Variants in DNAH11 observed in about 807,000 individuals in gnomAD.
The protein encoded by DNAH11 is dynein axonemal heavy chain 11, also known as axonemal beta dynein heavy chain 11.
In DNAH11, 442 loss-of-function variants were observed where a neutral mutation model predicts 526.0. The ratio of observed to expected loss-of-function variants is 0.84; its 90% CI spans 0.78 to 0.91. The LOEUF (loss-of-function observed/expected upper bound fraction) is 0.91, where lower values mean the gene tolerates loss of function less well. DNAH11 is among the 40% of genes least tolerant of loss of function. The pLI, the probability that DNAH11 is intolerant of heterozygous loss-of-function variation, is 0.00. For synonymous variants in DNAH11, 2,461 were observed against 1,935.9 expected (o/e 1.27, Z -7.12); for missense variants, 6,989 against 5,448.7 (o/e 1.28, Z -8.90).
chr7:21,698,827 T>G (rs1783953550), intron 36 of DNAH11, among the ~76,000 whole-genome samples: 1 of 152,216 alleles, frequency 6.6e-6, no homozygotes, highest in Admixed American at 6.5e-5. Context: ...TCTGGGCAGA[T>G]ACCCAGTAGT....
chr7:21,855,932 T>C (rs1049922382), intron 68 of DNAH11, among the ~76,000 whole-genome samples: 6 of 152,148 alleles, frequency 3.9e-5, no homozygotes, highest in African/African-American at 1.4e-4. Flanking sequence ...GAGGCTGCTT[T>C]TACTGGGGGC....
intron 63 of DNAH11, 116 bp downstream of exon 63, chr7:21,808,165 A>G: frequency 1.3e-6 from 1 of 747,468 alleles, no homozygotes; most frequent in African/African-American, 1.8e-5. Context: ...CTGACCAGAA[A>G]TTCCATGGTG....
rs562744269 is a variant in DNAH11, at chr7:21,735,955, T to G, written c.7645+111T>G. 8.8e-6 allele frequency: 9 copies of G among 1,021,092 alleles called. No homozygotes were observed. The South Asian group carries it at 1.7e-4, about 19-fold the overall frequency. The allele number at this position is 1,021,092 out of a possible 1,614,324, so 63.3% of individuals were successfully genotyped here. ...TTCCCTAGAATTTAGAGTTGTTGCT[T>G]GGGCCTTAGATGAATTTGTACTTAT... On this transcript the variant is annotated intron_variant, in intron 46 of 81. Coordinates refer to ENST00000409508, the MANE Select transcript of DNAH11 (RefSeq NM_001277115.2).
intron 65 of DNAH11, among the ~76,000 whole-genome samples, chr7:21,820,202 C>T (rs778468227): frequency 5.9e-5 from 9 of 152,146 alleles, no homozygotes; most frequent in Non-Finnish European, 1.0e-4. Context: ...CTGAGCACTG[C>T]TATATGCCAG....
chr7:21,852,203 G>C (rs921032745), intron 66 of DNAH11, among the ~76,000 whole-genome samples: 2 of 151,978 alleles, frequency 1.3e-5, no homozygotes, highest in African/African-American at 4.8e-5. Flanking sequence ...TCAGGAGTTC[G>C]AGACCAGCTT....
intron 45 of DNAH11, among the ~76,000 whole-genome samples, chr7:21,734,408 A>G (rs1174941731): frequency 6.6e-6 from 1 of 152,254 alleles, no homozygotes; most frequent in East Asian, 1.9e-4. Context: ...GAAAGGGAAA[A>G]AATATGAGAT....
chr7:21,658,750 C>A lies in DNAH11; in HGVS notation c.5095-48C>A, dbSNP rs1192221439. 4.9e-6 allele frequency: 7 copies of A among 1,440,570 alleles called. No individual in the cohort carries two copies. The South Asian group carries it at 8.4e-5, about 17-fold the overall frequency. The allele number at this position is 1,440,570 out of a possible 1,614,324, so 89.2% of individuals were successfully genotyped here. ...AGAGCCAGTAGGAGGATGAAATTAT[C>A]CTTCCATAGTTAAGCCTGTGTTATA... On this transcript the variant is annotated intron_variant, in intron 29 of 81. Coordinates refer to ENST00000409508, the MANE Select transcript of DNAH11 (RefSeq NM_001277115.2).
In DNAH11 at chr7:21,892,554, G is replaced by A. The variant is rs1356916798; in HGVS notation, c.12637G>A (p.Ala4213Thr). Residue 4213 changes from alanine (A) to threonine (T), a missense_variant, in exon 77 of 82, where the codon GCT (alanine) becomes ACT (threonine). Coordinates refer to ENST00000409508, the MANE Select transcript of DNAH11 (RefSeq NM_001277115.2). ...GGCACTGTATGGCCTCCACCCAAATGCTGAAATAGAATTCCTGACAGTGAC... is the reference window on the plus strand; with the variant it reads ...GGCACTGTATGGCCTCCACCCAAATACTGAAATAGAATTCCTGACAGTGAC... ...SPALYGLHPN[A>T]EIEFLTVTSN... is the part of the protein sequence containing the mutation. 1.9e-6 allele frequency: 3 copies of A among 1,613,934 alleles called. No homozygotes were observed. The highest frequency in any genetic ancestry group is 2.5e-6 in the Non-Finnish European group (3 of 1,179,882).
At position 21,564,301 on chromosome 7, in the gene DNAH11, T is replaced by C. The variant is rs776911516; in HGVS notation, c.1098T>C (p.His366=). ...QTRILIAPLF[H]TICLIWSHSK... is the part of the protein sequence containing the mutation. ...GCATATTAATCGCTCCATTATTTCA[T>C]ACCATCTGTCTGATCTGGAGTCATT... The change falls in exon 6 of 82, where the codon CAT becomes CAC. Residue 366 remains histidine, a synonymous_variant. Transcript: ENST00000409508. The C allele has an allele frequency of 1.2e-6, 2 of 1,613,686 alleles. No homozygotes were observed. Among genetic ancestry groups the C allele is most frequent in the Admixed American group, 1.7e-5 (1 of 59,964 alleles).
At chr7:21,851,721 G>A (rs1348094947) in intron 66 of DNAH11, 9 of 465,870 alleles carry the variant, frequency 1.9e-5, no homozygotes, top group Non-Finnish European at 3.6e-5. Flanking sequence ...GCATGTCAGT[G>A]TTCCCGAGAA....
chr7:21,653,664 C>T (rs575828206), intron 28 of DNAH11, among the ~76,000 whole-genome samples: 1 of 152,232 alleles, frequency 6.6e-6, no homozygotes, highest in South Asian at 2.1e-4. Context: ...ATATTAATAT[C>T]CTCTGGGTAA....
intron 25 of DNAH11, among the ~76,000 whole-genome samples, chr7:21,622,073 T>C (rs902967858): frequency 1.3e-5 from 2 of 151,488 alleles, no homozygotes; most frequent in Non-Finnish European, 1.5e-5. Flanking sequence ...GAAAACCCCA[T>C]TGTCTCAGCC....
chr7:21,647,366 A>G (rs570923454), intron 28 of DNAH11, among the ~76,000 whole-genome samples: 2 of 152,142 alleles, frequency 1.3e-5, no homozygotes, highest in South Asian at 2.1e-4. Context: ...AAGGATGACA[A>G]CAGACTTCAC....
chr7:21,839,433 G>A (rs989867949), intron 65 of DNAH11, among the ~76,000 whole-genome samples: 1 of 151,940 alleles, frequency 6.6e-6, no homozygotes, highest in Non-Finnish European at 1.5e-5. Flanking sequence ...AAATTAGCTG[G>A]GTGTGGTGGT....
intron 28 of DNAH11, among the ~76,000 whole-genome samples, chr7:21,648,890 T>C (rs1462553452): frequency 6.6e-6 from 1 of 152,206 alleles, no homozygotes; most frequent in African/African-American, 2.4e-5. Context: ...TTTTTTCCCT[T>C]CCTGAATACC....
At chr7:21,649,178 A>G (rs1484781056) in intron 28 of DNAH11, among the ~76,000 whole-genome samples, 1 of 152,246 alleles carries the variant, frequency 6.6e-6, no homozygotes, top group African/African-American at 2.4e-5. Flanking sequence ...GGGAATGTTC[A>G]TATCTAGCCA....
At chr7:21,626,496 C>T (rs1446703179) in intron 25 of DNAH11, among the ~76,000 whole-genome samples, 1 of 152,028 alleles carries the variant, frequency 6.6e-6, no homozygotes, top group Non-Finnish European at 1.5e-5. Context: ...TGCTGGATTA[C>T]ATTTTTCGTT....
chr7:21,737,276 G>A (rs948975320), intron 46 of DNAH11, among the ~76,000 whole-genome samples: 1 of 152,210 alleles, frequency 6.6e-6, no homozygotes, highest in African/African-American at 2.4e-5. Context: ...TATGGAAAAG[G>A]CTAAGCTACT....
Position 21,636,082 on chromosome 7 carries a change from A to G in DNAH11, c.4712A>G (p.Asp1571Gly). The G allele has an allele frequency of 6.2e-7, 1 of 1,610,472 alleles. No individual in the cohort carries two copies. Among genetic ancestry groups the G allele is most frequent in the Non-Finnish European group, 8.5e-7 (1 of 1,177,718 alleles). ...GATGCTAGAAGATTTGATGGGGTGG[A>G]TGCTGAATTTAAGGTTTGTCAAAGA... The part of the protein sequence containing the change: ...VKDARRFDGV[D>G]AEFKELMFKT... The change falls in exon 26 of 82, where the codon GAT becomes GGT. Residue 1571 changes from aspartate (D) to glycine (G), a missense_variant. By Grantham distance (94) the Asp-to-Gly change is moderately conservative. Transcript: ENST00000409508.
Sources: allele counts gnomAD v4.1 joint callset (sites outside exome capture counted in the v4.1 genomes callset), GRCh38; gene constraint gnomAD v4.1.1; transcripts MANE v1.5; gene names NCBI Gene and HGNC (gene_info 2026-07-23, HGNC 2026-07-21).